The following ERC2 variants were observed in gnomAD, a reference collection of about 807,000 sequenced individuals.
The protein encoded by ERC2 is ERC protein 2.
A neutral mutation model predicts 114.8 loss-of-function variants in ERC2; 42 were observed. That is an observed-to-expected ratio of 0.37 (90% CI 0.29 to 0.47). ERC2 has a LOEUF of 0.47. Ranked by LOEUF, ERC2 falls within the 20% of genes least tolerant of loss-of-function variation. ERC2 has a pLI of 0.99. For synonymous variants in ERC2, 454 were observed against 425.5 expected, an observed-to-expected ratio of 1.07 and a Z score of -0.82; for missense variants, 939 against 1,150.7, an observed-to-expected ratio of 0.82 and a Z score of 2.66.
At chr3:55,828,901 G>A (rs1002910953) in intron 14 of ERC2, among the ~76,000 whole-genome samples, 2 of 152,172 alleles carry the variant, frequency 1.3e-5, no homozygotes, top group African/African-American at 2.4e-5. Context: ...CACTTTGGGA[G>A]GCTGACGTAG....
chr3:56,248,263 A>T (rs1024402669), intron 3 of ERC2, among the ~76,000 whole-genome samples: 1 of 152,162 alleles, frequency 6.6e-6, no homozygotes, highest in Non-Finnish European at 1.5e-5. Context: ...CAGGTAATTT[A>T]AAAAATTTTT....
chr3:56,236,616 C>A (rs144101114), intron 3 of ERC2, among the ~76,000 whole-genome samples: 6 of 152,142 alleles, frequency 3.9e-5, no homozygotes, highest in Non-Finnish European at 7.4e-5. Context: ...TTGCTAACAG[C>A]TTCTCAAGCA....
At chr3:56,161,928 C>T (rs149814721) in intron 4 of ERC2, among the ~76,000 whole-genome samples, 1,869 of 152,032 alleles carry the variant, frequency 0.012, 20 homozygotes, top group Non-Finnish European at 0.017. Flanking sequence ...ATGTTGAATA[C>T]GAGTAATGAG....
chr3:56,139,806 G>A (rs1477762603), intron 5 of ERC2, 130 bp from the exon 6 acceptor site: 2 of 1,021,044 alleles, frequency 2.0e-6, no homozygotes, highest in Non-Finnish European at 2.9e-6. Context: ...CCACGAATTT[G>A]CTTAAAAAAG....
chr3:56,136,100 C>G (rs900457448), intron 6 of ERC2, among the ~76,000 whole-genome samples: 1 of 152,164 alleles, frequency 6.6e-6, no homozygotes. Context: ...AACAAACCAA[C>G]CAAAGAGCCA....
Position 56,272,975 on chromosome 3 carries a change from G to A in ERC2, c.1074+23044C>T, listed in dbSNP as rs575670612. On this transcript the variant is annotated intron_variant, in intron 3 of 17. Transcript: ENST00000288221. ...AAAGGGGTAACTCGTCCTCATCTCT[G>A]TAACGCAATAACCATGTTAACCACT... Among the ~76,000 whole-genome samples, 5 of 152,282 alleles carry A rather than the reference G, an allele frequency of 3.3e-5. No individual in the cohort carries two copies. In the South Asian group the frequency reaches 1.0e-3, roughly 32 times the overall value.
chr3:55,655,659 G>A lies in ERC2; in HGVS notation c.*39+28135C>T, dbSNP rs116810708. Reference sequence around the variant, plus strand: ...GACCCTATGGATAGTTGCTGGGTCAGCCAGGCCACCTATAAGGCCAGGTGC... The same window carrying A: ...GACCCTATGGATAGTTGCTGGGTCAACCAGGCCACCTATAAGGCCAGGTGC... On this transcript the variant is annotated intron_variant, in intron 17 of 17. Transcript: ENST00000288221. 3.4e-3 allele frequency among the ~76,000 whole-genome samples: 518 copies of A among 152,272 alleles called. 2 individuals carry two copies. The highest frequency in any genetic ancestry group is 0.012 in the African/African-American group (504 of 41,532).
chr3:56,297,325 G>C (rs13085545), intron 2 of ERC2, among the ~76,000 whole-genome samples: 39,005 of 151,440 alleles, frequency 0.26, 5,843 homozygotes, highest in Non-Finnish European at 0.33. Flanking sequence ...AAAAAAGAAA[G>C]ACCAAACCTG....
chr3:55,861,258 C>A (rs2062015573), intron 14 of ERC2, among the ~76,000 whole-genome samples: 1 of 152,238 alleles, frequency 6.6e-6, no homozygotes, highest in African/African-American at 2.4e-5. Flanking sequence ...AACCTCCACT[C>A]CTCGGATGAG....
chr3:55,921,141 T>A (rs972301808), intron 13 of ERC2, among the ~76,000 whole-genome samples: 1 of 152,152 alleles, frequency 6.6e-6, no homozygotes, highest in African/African-American at 2.4e-5. Context: ...ACTACATGGT[T>A]CATATTTGCT....
At chr3:56,011,084 C>A (rs2072890487) in intron 8 of ERC2, among the ~76,000 whole-genome samples, 1 of 152,200 alleles carries the variant, frequency 6.6e-6, no homozygotes, top group Non-Finnish European at 1.5e-5. Context: ...GGACCCAAAC[C>A]CTCCAGGACT....
chr3:55,545,065 C>T (rs1167246), intron 17 of ERC2, among the ~76,000 whole-genome samples: 51,857 of 152,090 alleles, frequency 0.34, 10,433 homozygotes, highest in East Asian at 0.62. Flanking sequence ...TCATCATTTT[C>T]CTGGCTGTAT....
At chr3:55,620,225 GCTTTGT>G (rs2059271414) in intron 17 of ERC2, among the ~76,000 whole-genome samples, 2 of 152,030 alleles carry the variant, frequency 1.3e-5, no homozygotes, top group South Asian at 4.1e-4. Context: ...CAACAGATTG[GCTTTGT>G]TATGATTTTT....
chr3:55,626,302 A>G (rs1490964981), intron 17 of ERC2, among the ~76,000 whole-genome samples: 1 of 152,198 alleles, frequency 6.6e-6, no homozygotes, highest in Non-Finnish European at 1.5e-5. Flanking sequence ...GGTCAGGCAA[A>G]TGACTTGGTA....
intron 12 of ERC2, among the ~76,000 whole-genome samples, chr3:55,974,477 G>T (rs1319608606): frequency 1.3e-5 from 2 of 152,196 alleles, no homozygotes; most frequent in Admixed American, 6.5e-5. Context: ...TGATGCTGCT[G>T]CGGTTCTCTA....
intron 17 of ERC2, among the ~76,000 whole-genome samples, chr3:55,629,684 T>C (rs1359478262): frequency 6.6e-6 from 1 of 152,202 alleles, no homozygotes; most frequent in Non-Finnish European, 1.5e-5. Flanking sequence ...GTAAACCACA[T>C]AGATAAGGTA....
intron 17 of ERC2, among the ~76,000 whole-genome samples, chr3:55,543,994 G>C (rs2054578132): frequency 6.6e-6 from 1 of 152,222 alleles, no homozygotes; most frequent in Non-Finnish European, 1.5e-5. Flanking sequence ...TCCAGATGAT[G>C]AGGTGGCTGC....
At chr3:56,376,323 G>C (rs566575920) in intron 2 of ERC2, among the ~76,000 whole-genome samples, 14 of 152,204 alleles carry the variant, frequency 9.2e-5, no homozygotes, top group African/African-American at 2.9e-4. Flanking sequence ...ACAGATTATA[G>C]AGCATTTACT....
chr3:55,959,242 T>C (rs975491916), intron 12 of ERC2, among the ~76,000 whole-genome samples: 4 of 152,218 alleles, frequency 2.6e-5, no homozygotes, highest in Admixed American at 6.5e-5. Flanking sequence ...ATTTTCCTTG[T>C]AGATATTTCA....
Sources: allele counts gnomAD v4.1 joint callset (sites outside exome capture counted in the v4.1 genomes callset), GRCh38; gene constraint gnomAD v4.1.1; transcripts MANE v1.5; gene names NCBI Gene and HGNC (gene_info 2026-07-23, HGNC 2026-07-21).